Variants in ROR2 observed in about 807,000 individuals in gnomAD.
ROR2 encodes the protein tyrosine-protein kinase transmembrane receptor ROR2.
ROR2 carries 33 observed loss-of-function variants against 74.9 expected under a neutral mutation model. That is an observed-to-expected ratio of 0.44 (90% CI 0.33 to 0.59). The LOEUF is 0.59. ROR2 is among the 20% of genes least tolerant of loss of function. The pLI is 0.02. For synonymous variants in ROR2, 586 were observed against 558.7 expected, an observed-to-expected ratio of 1.05 and a Z score of -0.69; for missense variants, 1,216 against 1,313.8, an observed-to-expected ratio of 0.93 and a Z score of 1.15.
At chr9:91,931,728 T>C (rs1390281171) in intron 1 of ROR2, among the ~76,000 whole-genome samples, 1 of 152,198 alleles carries the variant, frequency 6.6e-6, no homozygotes, top group East Asian at 1.9e-4. Flanking sequence ...TTTCTTCTTG[T>C]CTTGCAGAAG....
At chr9:91,854,560 A>G (rs1422335721) in intron 1 of ROR2, among the ~76,000 whole-genome samples, 2 of 152,164 alleles carry the variant, frequency 1.3e-5, no homozygotes, top group Non-Finnish European at 2.9e-5. Flanking sequence ...TGGCCTTCCT[A>G]TTGCTGCCCC....
At chr9:91,914,855 C>G (rs1831089453) in intron 1 of ROR2, among the ~76,000 whole-genome samples, 1 of 152,156 alleles carries the variant, frequency 6.6e-6, no homozygotes, top group African/African-American at 2.4e-5. Flanking sequence ...TACACAGGGC[C>G]TGGCCTTCCA....
At chr9:91,811,200 G>T (rs1827740573) in intron 1 of ROR2, among the ~76,000 whole-genome samples, 2 of 152,260 alleles carry the variant, frequency 1.3e-5, no homozygotes, top group South Asian at 4.1e-4. Context: ...AGCTGTCAGG[G>T]CCTCTGCCAG....
intron 7 of ROR2, among the ~76,000 whole-genome samples, chr9:91,727,069 C>G (rs928813679): frequency 6.6e-6 from 1 of 152,190 alleles, no homozygotes; most frequent in Non-Finnish European, 1.5e-5. Context: ...TGAATACCAT[C>G]GGAGATAGGT....
In ROR2 at chr9:91,726,599, T is replaced by C; in HGVS notation, c.1328A>G (p.Gln443Arg). The change falls in exon 8 of 9, where the codon CAG becomes CGG. Residue 443 changes from glutamine (Q) to arginine (R), a missense_variant. Transcript: ENST00000375708. ...KASASTPQRRQLMASPSQDME... is the reference protein window; with the variant it reads ...KASASTPQRRRLMASPSQDME... ...GTCTTGGCTGGGCGAGGCCATCAGC[T>C]GTCGCCGCTGCGGTGTGGACGCAGA... 1.2e-6 allele frequency: 2 copies of C among 1,613,834 alleles called. No homozygotes were observed. Among genetic ancestry groups the C allele is most frequent in the Non-Finnish European group, 8.5e-7 (1 of 1,180,042 alleles).
intron 1 of ROR2, among the ~76,000 whole-genome samples, chr9:91,842,008 C>T (rs75086638): frequency 0.037 from 5,667 of 152,272 alleles, 158 homozygotes; most frequent in East Asian, 0.098. Flanking sequence ...GATGGACTCA[C>T]CCTGCCAGCC....
intron 8 of ROR2, 122 bp from the exon 9 acceptor site, chr9:91,725,229 C>T: frequency 6.4e-7 from 1 of 1,565,884 alleles, no homozygotes; most frequent in Non-Finnish European, 8.7e-7. Flanking sequence ...TTGCAGAAGA[C>T]CCGCTGGTTT....
intron 1 of ROR2, among the ~76,000 whole-genome samples, chr9:91,832,801 C>A (rs1231932543): frequency 2.0e-5 from 3 of 152,214 alleles, no homozygotes; most frequent in Non-Finnish European, 4.4e-5. Context: ...GACAGGTACA[C>A]TCCTCAAATC....
chr9:91,761,614 A>G (rs986919289), intron 2 of ROR2, among the ~76,000 whole-genome samples: 14 of 152,252 alleles, frequency 9.2e-5, no homozygotes, highest in African/African-American at 3.4e-4. Flanking sequence ...ATACAGATGA[A>G]GCTTCACTTT....
At chr9:91,889,819 G>A (rs1830381023) in intron 1 of ROR2, among the ~76,000 whole-genome samples, 1 of 152,210 alleles carries the variant, frequency 6.6e-6, no homozygotes, top group South Asian at 2.1e-4. Flanking sequence ...AGCCTTCAGA[G>A]GGAGAAATGA....
At chr9:91,772,859 A>C (rs1393087700) in intron 2 of ROR2, among the ~76,000 whole-genome samples, 1 of 152,238 alleles carries the variant, frequency 6.6e-6, no homozygotes, top group Non-Finnish European at 1.5e-5. Context: ...TCTACGCTTG[A>C]GAAGTTGCTC....
At chr9:91,902,628 G>C (rs1830703345) in intron 1 of ROR2, among the ~76,000 whole-genome samples, 1 of 152,170 alleles carries the variant, frequency 6.6e-6, no homozygotes, top group South Asian at 2.1e-4. Context: ...GAGACATCCA[G>C]CATCAGTTGG....
At chr9:91,927,562 C>CTTGTTTTTTTTTTTT (rs1831440398) in intron 1 of ROR2, among the ~76,000 whole-genome samples, 1 of 94,944 alleles carries the variant, frequency 1.1e-5, no homozygotes, top group Non-Finnish European at 2.0e-5. Flanking sequence ...TTTCTAGATT[C>CTTGTTTTTTTTTTTT]TTTTTTTTTT....
chr9:91,888,567 A>G (rs1197350802), intron 1 of ROR2, among the ~76,000 whole-genome samples: 1 of 152,212 alleles, frequency 6.6e-6, no homozygotes, highest in Non-Finnish European at 1.5e-5. Flanking sequence ...GAACAAGTGA[A>G]GCCAGGCTGG....
At chr9:91,801,031 G>T (rs1827359285) in intron 1 of ROR2, among the ~76,000 whole-genome samples, 3 of 152,138 alleles carry the variant, frequency 2.0e-5, no homozygotes, top group African/African-American at 7.2e-5. Flanking sequence ...CTACCTATGG[G>T]CATGCATGAA....
intron 1 of ROR2, among the ~76,000 whole-genome samples, chr9:91,817,391 CG>C (rs1827978139): frequency 6.6e-6 from 1 of 152,150 alleles, no homozygotes; most frequent in Non-Finnish European, 1.5e-5. Flanking sequence ...TGCAGGTGGC[CG>C]TGCAAGATAG....
chr9:91,931,235 T>C (rs991128129), intron 1 of ROR2, among the ~76,000 whole-genome samples: 8 of 152,164 alleles, frequency 5.3e-5, no homozygotes, highest in Non-Finnish European at 1.0e-4. Flanking sequence ...AACTAGAAGA[T>C]AGAAAATTTT....
intron 4 of ROR2, among the ~76,000 whole-genome samples, chr9:91,743,393 G>C (rs888246899): frequency 6.6e-6 from 1 of 152,096 alleles, no homozygotes; most frequent in Non-Finnish European, 1.5e-5. Flanking sequence ...CCAACATTGT[G>C]AAACGCCATC....
intron 1 of ROR2, among the ~76,000 whole-genome samples, chr9:91,870,331 A>T (rs1829760164): frequency 6.6e-6 from 1 of 152,184 alleles, no homozygotes; most frequent in African/African-American, 2.4e-5. Context: ...TGTATTTTAG[A>T]ACCAAGGAAA....
Sources: gnomAD v4.1 joint callset for allele counts (sites outside exome capture counted in the v4.1 genomes callset) on GRCh38, gnomAD v4.1.1 for gene constraint, MANE v1.5 for transcripts, NCBI Gene and HGNC (gene_info 2026-07-23, HGNC 2026-07-21) for gene names.